FILIP1: variants seen among roughly 807,000 people sequenced by gnomAD.
FILIP1 encodes the protein filamin A interacting protein 1, also known as filamin-A-interacting protein 1.
A neutral mutation model predicts 102.1 loss-of-function variants in FILIP1; 61 were observed. The observed-to-expected ratio is 0.60, with a 90% CI of 0.49 to 0.74. The LOEUF is 0.74. Among genes scored for constraint, FILIP1 ranks in the 30% least tolerant of loss-of-function variants. The pLI is 0.00. For missense variants in FILIP1, 1,314 were observed against 1,441.2 expected, an observed-to-expected ratio of 0.91 and a Z score of 1.43; for synonymous variants, 491 against 526.9, an observed-to-expected ratio of 0.93 and a Z score of 0.93.
intron 4 of FILIP1, 141 bp from the exon 5 acceptor site, chr6:75,315,343 A>G: frequency 1.7e-6 from 1 of 585,720 alleles, no homozygotes. Flanking sequence ...AATAGCCATT[A>G]ATGAAATGAA....
Position 75,308,426 on chromosome 6 carries a change from G to T in FILIP1, c.*265C>A. On this transcript the variant is annotated 3_prime_UTR_variant, in exon 6 of 6. Coordinates refer to ENST00000237172, the MANE Select transcript of FILIP1 (RefSeq NM_015687.5). ...GGAAACAGGCTCAGATGGGTCTATT[G>T]ATGGGTCCACTTGCTAGAAGCAAAA... The T allele has an allele frequency of 8.0e-7, 1 of 1,247,710 alleles. No homozygotes were observed. Among genetic ancestry groups the T allele is most frequent in the Non-Finnish European group, 1.0e-6 (1 of 970,524 alleles). 77.3% of individuals were successfully genotyped at this position (1,247,710 alleles called of 1,614,324 possible).
intron 1 of FILIP1, among the ~76,000 whole-genome samples, chr6:75,420,195 T>C (rs1024483040): frequency 3.3e-5 from 5 of 152,040 alleles, no homozygotes; most frequent in South Asian, 2.1e-4. Flanking sequence ...AAAAATATTA[T>C]TCTACTCCAG....
intron 1 of FILIP1, among the ~76,000 whole-genome samples, chr6:75,470,645 G>T (rs569102581): frequency 6.6e-6 from 1 of 152,178 alleles, no homozygotes; most frequent in African/African-American, 2.4e-5. Context: ...CAAATCAATG[G>T]GAAAATAATG....
intron 1 of FILIP1, among the ~76,000 whole-genome samples, chr6:75,419,528 A>C (rs1205056116): frequency 6.6e-6 from 1 of 152,186 alleles, no homozygotes; most frequent in Non-Finnish European, 1.5e-5. Flanking sequence ...GCAAAAAAGG[A>C]AAGCACATAA....
intron 4 of FILIP1, among the ~76,000 whole-genome samples, chr6:75,328,500 T>C (rs1167924483): frequency 6.6e-6 from 1 of 152,132 alleles, no homozygotes; most frequent in Non-Finnish European, 1.5e-5. Context: ...TGTTTGTTTG[T>C]TTGTTTCTTT....
chr6:75,359,819 A>G (rs1166883166), intron 3 of FILIP1, among the ~76,000 whole-genome samples: 2 of 152,184 alleles, frequency 1.3e-5, no homozygotes, highest in Non-Finnish European at 2.9e-5. Context: ...CTCAAATTAC[A>G]CAGGCTTCAG....
rs1370585214 is a variant in FILIP1, at chr6:75,372,747, A to G, written c.277-9830T>C. Among the ~76,000 whole-genome samples, 3 of 52,830 alleles carry G rather than the reference A, an allele frequency of 5.7e-5. 1 individual carries two copies. The highest frequency in any genetic ancestry group is 2.6e-4 in the African/African-American group (3 of 11,360). The allele number at this position is 52,830 out of a possible 152,430, so 34.7% of individuals were successfully genotyped here. On this transcript the variant is annotated intron_variant, in intron 2 of 5. Coordinates refer to ENST00000237172, the MANE Select transcript of FILIP1 (RefSeq NM_015687.5). ...GAGAAAGAGAAAGAAAGAAAGAAAG[A>G]AAGAAAGAAAGAAAGAAAGAAAGAA...
At chr6:75,319,880 C>A (rs866756901) in intron 4 of FILIP1, 22 of 459,284 alleles carry the variant, frequency 4.8e-5, no homozygotes, top group Middle Eastern at 1.1e-3. Context: ...GACTGAAGCA[C>A]CTGGGTGCTT....
At chr6:75,381,753 T>G (rs1775911898) in intron 2 of FILIP1, among the ~76,000 whole-genome samples, 1 of 152,180 alleles carries the variant, frequency 6.6e-6, no homozygotes, top group African/African-American at 2.4e-5. Context: ...CAGAGTTGAA[T>G]TTAAAAACAA....
intron 4 of FILIP1, among the ~76,000 whole-genome samples, chr6:75,340,399 C>G (rs6453824): frequency 6.6e-6 from 1 of 151,464 alleles, no homozygotes; most frequent in Non-Finnish European, 1.5e-5. Flanking sequence ...TTGTTCCCAG[C>G]GTTTACAAAT....
chr6:75,424,615 T>G (rs1232947526), intron 1 of FILIP1, among the ~76,000 whole-genome samples: 1 of 152,200 alleles, frequency 6.6e-6, no homozygotes, highest in Non-Finnish European at 1.5e-5. Context: ...TGTGGATTAA[T>G]TATTCTATTA....
At chr6:75,350,057 C>T (rs548592710) in intron 4 of FILIP1, among the ~76,000 whole-genome samples, 155 of 151,838 alleles carry the variant, frequency 1.0e-3, no homozygotes, top group African/African-American at 3.5e-3. Context: ...CGCCTCAGAT[C>T]GCAGAGAAAT....
intron 2 of FILIP1, among the ~76,000 whole-genome samples, chr6:75,401,880 A>G (rs982624605): frequency 1.3e-5 from 2 of 152,212 alleles, no homozygotes; most frequent in Non-Finnish European, 2.9e-5. Context: ...TAAAAAGAGC[A>G]TATCCCCAAA....
intron 2 of FILIP1, among the ~76,000 whole-genome samples, chr6:75,400,105 T>C (rs1776601265): frequency 6.6e-6 from 1 of 152,180 alleles, no homozygotes; most frequent in South Asian, 2.1e-4. Context: ...ATGCAGGCGT[T>C]AGGCACTGTG....
chr6:75,408,427 C>T lies in FILIP1; in HGVS notation c.276+6270G>A, dbSNP rs572004172. On this transcript the variant is annotated intron_variant, in intron 2 of 5. Coordinates refer to ENST00000237172, the MANE Select transcript of FILIP1 (RefSeq NM_015687.5). ...ATTAAAGGTGCACTTCAGGAGTTCA[C>T]GGGATACCTGGACTGGCAAACAAAA... 3.9e-5 allele frequency among the ~76,000 whole-genome samples: 6 copies of T among 152,166 alleles called. 1 individual carries two copies. Among genetic ancestry groups the T allele is most frequent in the African/African-American group, 7.2e-5 (3 of 41,450 alleles).
chr6:75,438,565 C>G (rs550925045), intron 1 of FILIP1, among the ~76,000 whole-genome samples: 22 of 152,158 alleles, frequency 1.4e-4, no homozygotes, highest in African/African-American at 4.6e-4. Context: ...TCTTGTAACC[C>G]CTGCAGCAAT....
rs76946450 is a variant in FILIP1, at chr6:75,467,760, A to T, written c.-7+25654T>A. 8.9e-3 allele frequency among the ~76,000 whole-genome samples: 1,354 copies of T among 152,326 alleles called. 48 individuals are homozygous for T. In the East Asian group the frequency reaches 0.12, roughly 14 times the overall value. Reference sequence around the variant, plus strand: ...TTTGAGAAGACATTGGAAGACAGAAAGCAGGTGGTATTAGAAGGAGGATTT... The same window carrying T: ...TTTGAGAAGACATTGGAAGACAGAATGCAGGTGGTATTAGAAGGAGGATTT... On this transcript the variant is annotated intron_variant, in intron 1 of 5. Coordinates refer to ENST00000237172, the MANE Select transcript of FILIP1 (RefSeq NM_015687.5).
intron 1 of FILIP1, among the ~76,000 whole-genome samples, chr6:75,425,970 C>A (rs923484001): frequency 6.6e-6 from 1 of 152,082 alleles, no homozygotes; most frequent in South Asian, 2.1e-4. Context: ...CAAACATTTT[C>A]TTTAAGAGGC....
At chr6:75,292,047 G>A (rs1371323456) in exon 7 of FILIP1, 4 of 152,102 alleles carry the variant, frequency 2.6e-5, no homozygotes, top group Non-Finnish European at 5.9e-5. Context: ...CTGAAAGCAA[G>A]CTATTACATT....
Sources: gnomAD v4.1 joint callset for allele counts (sites outside exome capture counted in the v4.1 genomes callset) on GRCh38, gnomAD v4.1.1 for gene constraint, MANE v1.5 for transcripts, NCBI Gene and HGNC (gene_info 2026-07-23, HGNC 2026-07-21) for gene names.